The following DDX10 variants were observed in gnomAD, a reference collection of about 807,000 sequenced individuals.
DDX10 encodes probable ATP-dependent RNA helicase DDX10.
DDX10 carries 74 observed loss-of-function variants against 104.3 expected under a neutral mutation model. The ratio of observed to expected loss-of-function variants is 0.71; its 90% CI spans 0.59 to 0.86. The LOEUF is 0.86. Among genes scored for constraint, DDX10 ranks in the 40% least tolerant of loss-of-function variants. DDX10 has a pLI of 0.00. For synonymous variants in DDX10, 351 were observed against 353.4 expected, an observed-to-expected ratio of 0.99 and a Z score of 0.08; for missense variants, 952 against 1,040.0, an observed-to-expected ratio of 0.92 and a Z score of 1.16.
chr11:108,860,866 A>G (rs181487843), intron 16 of DDX10: 22 of 152,256 alleles, frequency 1.4e-4, no homozygotes, highest in African/African-American at 5.3e-4. Flanking sequence ...CTTAAAAGGA[A>G]GGGAAGGCTC....
At chr11:108,773,656 G>C (rs1025712496) in intron 13 of DDX10, among the ~76,000 whole-genome samples, 1 of 151,766 alleles carries the variant, frequency 6.6e-6, no homozygotes, top group Non-Finnish European at 1.5e-5. Context: ...CAACTGTATT[G>C]ATAAATATTG....
At chr11:108,799,299 A>C (rs531842675) in intron 13 of DDX10, among the ~76,000 whole-genome samples, 2 of 152,162 alleles carry the variant, frequency 1.3e-5, no homozygotes, top group African/African-American at 2.4e-5. Flanking sequence ...CTCGTCACTC[A>C]CTTTCACCCC....
chr11:108,802,601 AATT>A (rs1343813441), intron 13 of DDX10, among the ~76,000 whole-genome samples: 2 of 152,230 alleles, frequency 1.3e-5, no homozygotes, highest in Non-Finnish European at 2.9e-5. Context: ...GTTCTTTTGT[AATT>A]TTCTGAAACT....
chr11:108,702,143 G>A (rs1389528751), intron 9 of DDX10, among the ~76,000 whole-genome samples: 1 of 151,904 alleles, frequency 6.6e-6, no homozygotes, highest in Non-Finnish European at 1.5e-5. Flanking sequence ...TGTTAAATAA[G>A]GTAAGAGTGA....
intron 16 of DDX10, among the ~76,000 whole-genome samples, chr11:108,917,474 G>A (rs982608506): frequency 1.3e-5 from 2 of 151,996 alleles, no homozygotes; most frequent in Non-Finnish European, 2.9e-5. Flanking sequence ...TGATCATTGT[G>A]TACTGCTGCC....
chr11:108,718,357 A>G (rs935801417), intron 11 of DDX10, among the ~76,000 whole-genome samples: 4 of 152,312 alleles, frequency 2.6e-5, no homozygotes, highest in African/African-American at 9.6e-5. Context: ...CCTTTTCATT[A>G]AAGGATCTTT....
chr11:108,841,281 T>A (rs371786026), intron 14 of DDX10, 34 bp from the exon 15 acceptor site: 3 of 1,597,078 alleles, frequency 1.9e-6, no homozygotes, highest in Non-Finnish European at 2.6e-6. Flanking sequence ...TATTCCCTAC[T>A]TCCTGTTGAC....
At position 108,841,468 on chromosome 11, in the gene DDX10, A is replaced by T; in HGVS notation, c.2239A>T (p.Lys747Ter). Residue 747 changes from lysine to a stop codon, truncating the protein, a stop_gained, in exon 15 of 18, where the codon AAG (lysine) becomes TAG (stop). Transcript: ENST00000322536. LOFTEE classifies it high-confidence loss of function. ...KEEYRKKIKA[K>*]HREKRLKERE... Reference sequence around the variant, plus strand: ...AGAATATAGGAAAAAAATTAAGGCAAAGCATCGGGTAAGCTTTCCATCTTG... The same window carrying T: ...AGAATATAGGAAAAAAATTAAGGCATAGCATCGGGTAAGCTTTCCATCTTG... The T allele has an allele frequency of 3.1e-6, 5 of 1,613,668 alleles. No homozygotes were observed. The highest frequency in any genetic ancestry group is 4.2e-6 in the Non-Finnish European group (5 of 1,179,744).
At chr11:108,793,530 G>T (rs988266559) in intron 13 of DDX10, among the ~76,000 whole-genome samples, 1 of 152,076 alleles carries the variant, frequency 6.6e-6, no homozygotes, top group African/African-American at 2.4e-5. Flanking sequence ...AATTTCAGGC[G>T]TGCTGGAATT....
In DDX10 at chr11:108,695,960, G is replaced by A. The variant is rs77381212; in HGVS notation, c.1223+2360G>A. 8.1e-3 allele frequency among the ~76,000 whole-genome samples: 1,235 copies of A among 152,182 alleles called. 6 individuals are homozygous for A. The highest frequency in any genetic ancestry group is 0.034 in the Middle Eastern group (10 of 294). ...GGGTTCAAAAATAAGTCTTTTAATT[G>A]CAATTAATGATGTAGTTTTAAACAA... is the stretch of plus-strand genomic sequence containing the variant. On this transcript the variant is annotated intron_variant, in intron 9 of 17. Coordinates refer to ENST00000322536, the MANE Select transcript of DDX10 (RefSeq NM_004398.4).
chr11:108,935,638 C>T (rs1864028154), intron 17 of DDX10, among the ~76,000 whole-genome samples: 1 of 151,834 alleles, frequency 6.6e-6, no homozygotes, highest in Non-Finnish European at 1.5e-5. Context: ...GAATGGCTTC[C>T]TAAGAAGGCT....
intron 17 of DDX10, among the ~76,000 whole-genome samples, chr11:108,923,677 A>AC (rs1341139031): frequency 6.6e-6 from 1 of 152,162 alleles, no homozygotes; most frequent in Admixed American, 6.5e-5. Flanking sequence ...CAATAACACA[A>AC]CAGTGTGATG....
intron 16 of DDX10, among the ~76,000 whole-genome samples, chr11:108,908,545 G>A (rs1214391282): frequency 6.6e-6 from 1 of 152,172 alleles, no homozygotes; most frequent in East Asian, 1.9e-4. Flanking sequence ...ATGTAGGAAC[G>A]TAATAAAGAT....
At chr11:108,810,891 C>T (rs577905003) in intron 13 of DDX10, among the ~76,000 whole-genome samples, 1 of 152,276 alleles carries the variant, frequency 6.6e-6, no homozygotes, top group African/African-American at 2.4e-5. Flanking sequence ...TCACCACCAA[C>T]CCGTTTCGCA....
intron 16 of DDX10, among the ~76,000 whole-genome samples, chr11:108,914,835 T>TAAAA (rs10624451): frequency 1.8e-4 from 26 of 144,296 alleles, no homozygotes; most frequent in South Asian, 4.4e-4. Flanking sequence ...TGGTAACCAT[T>TAAAA]AAAAAAAAAA....
At chr11:108,798,340 A>G (rs371133337) in intron 13 of DDX10, among the ~76,000 whole-genome samples, 14 of 152,350 alleles carry the variant, frequency 9.2e-5, no homozygotes, top group Middle Eastern at 3.4e-3. Flanking sequence ...CTTTAAGTGT[A>G]TGATTCTATA....
chr11:108,678,480 CT>C, intron 5 of DDX10, 45 bp downstream of exon 5: 1 of 1,476,428 alleles, frequency 6.8e-7, no homozygotes, highest in Non-Finnish European at 9.1e-7. Flanking sequence ...AAAGCTCAGA[CT>C]TAGGAGAGAG....
At chr11:108,726,376 T>A (rs2094305479) in intron 13 of DDX10, among the ~76,000 whole-genome samples, 1 of 152,118 alleles carries the variant, frequency 6.6e-6, no homozygotes, top group African/African-American at 2.4e-5. Flanking sequence ...AGTGTCTTTT[T>A]AGCATTGCTT....
chr11:108,903,179 C>A (rs1025493506), intron 16 of DDX10, among the ~76,000 whole-genome samples: 1 of 152,072 alleles, frequency 6.6e-6, no homozygotes, highest in African/African-American at 2.4e-5. Context: ...CATTTTGACA[C>A]CCCCAAAAGG....
Sources: allele counts gnomAD v4.1 joint callset (sites outside exome capture counted in the v4.1 genomes callset), GRCh38; gene constraint gnomAD v4.1.1; transcripts MANE v1.5; gene names NCBI Gene and HGNC (gene_info 2026-07-23, HGNC 2026-07-21).